Variants in NCBP1 observed in about 807,000 individuals in gnomAD.
NCBP1 encodes the protein nuclear cap binding protein subunit 1, also known as nuclear cap-binding protein subunit 1.
A neutral mutation model predicts 111.7 loss-of-function variants in NCBP1; 16 were observed. The observed-to-expected ratio is 0.14, with a 90% confidence interval of 0.10 to 0.22. NCBP1 has a LOEUF of 0.22. Ranked by LOEUF, NCBP1 falls within the 10% of genes least tolerant of loss-of-function variation. NCBP1 has a pLI of 1.00. For missense variants in NCBP1, 607 were observed against 957.5 expected, an observed-to-expected ratio of 0.63 and a Z score of 4.83; for synonymous variants, 304 against 314.3, an observed-to-expected ratio of 0.97 and a Z score of 0.35.
intron 6 of NCBP1, among the ~76,000 whole-genome samples, chr9:97,646,663 C>G (rs1827342636): frequency 6.6e-6 from 1 of 151,804 alleles, no homozygotes; most frequent in Non-Finnish European, 1.5e-5. Flanking sequence ...TGGTGAAAAC[C>G]CATCTCTACT....
intron 12 of NCBP1, 21 bp from the exon 13 acceptor site, chr9:97,655,681 A>T: frequency 6.3e-7 from 1 of 1,583,464 alleles, no homozygotes; most frequent in African/African-American, 1.4e-5. Flanking sequence ...TTCTCTGCCT[A>T]CCTCCCCCTT....
chr9:97,650,391 C>T, intron 8 of NCBP1, 112 bp from the exon 9 acceptor site: 1 of 683,408 alleles, frequency 1.5e-6, no homozygotes, highest in Non-Finnish European at 2.4e-6. Flanking sequence ...AACTTTTATC[C>T]CCATCACCCA....
rs774893629 is a variant in NCBP1, at chr9:97,647,510, T to G, written c.630T>G (p.His210Gln). 4.3e-6 allele frequency: 7 copies of G among 1,613,068 alleles called. No homozygotes were observed. The highest frequency in any genetic ancestry group is 4.2e-6 in the Non-Finnish European group (5 of 1,179,306). Reference protein sequence around the residue: ...ESYLKRRQKTHVPMLQVWTAD... With the variant: ...ESYLKRRQKTQVPMLQVWTAD... ...TCTTTAGAAGACGCCAAAAGACTCA[T>G]GTACCCATGTTACAGGTATGGACTG... The change falls in exon 7 of 23, where the codon CAT (histidine) becomes CAG (glutamine). Residue 210 changes from histidine to glutamine, a missense_variant. His to Gln is a conservative substitution (Grantham distance 24). This residue lies in a region of NCBP1 where 185 missense variants were observed against 272.0 expected (regional missense o/e 0.68). Transcript: ENST00000375147.
chr9:97,650,746 C>T, intron 9 of NCBP1, 146 bp downstream of exon 9: 4 of 636,148 alleles, frequency 6.3e-6, no homozygotes, highest in South Asian at 2.0e-5. Flanking sequence ...AAAACACTTG[C>T]TTTACTTTCT....
At chr9:97,661,455 C>G (rs987626464) in intron 16 of NCBP1, among the ~76,000 whole-genome samples, 1 of 152,114 alleles carries the variant, frequency 6.6e-6, no homozygotes, top group African/African-American at 2.4e-5. Flanking sequence ...CCATGTAATT[C>G]CAACCAGAAT....
At chr9:97,646,796 C>T (rs528649748) in intron 6 of NCBP1, among the ~76,000 whole-genome samples, 38 of 146,336 alleles carry the variant, frequency 2.6e-4, no homozygotes, top group Non-Finnish European at 4.6e-4. Flanking sequence ...GACATGGTGC[C>T]GCCACTGCAC....
chr9:97,658,800 AAGTT>A (rs1209735205), intron 15 of NCBP1, 57 bp downstream of exon 15: 3 of 1,318,322 alleles, frequency 2.3e-6, no homozygotes, highest in African/African-American at 1.5e-5. Context: ...AGTATATCTG[AAGTT>A]AGTTGTTTAA....
At chr9:97,634,313 A>G (rs1826929422) in intron 1 of NCBP1, among the ~76,000 whole-genome samples, 1 of 152,272 alleles carries the variant, frequency 6.6e-6, no homozygotes, top group African/African-American at 2.4e-5. Flanking sequence ...AGGGCTCGGA[A>G]GAATTCACTG....
intron 16 of NCBP1, 31 bp from the exon 17 acceptor site, chr9:97,662,011 T>G (rs373844784): frequency 1.3e-6 from 2 of 1,531,856 alleles, no homozygotes; most frequent in East Asian, 4.5e-5. Flanking sequence ...TGTGCTTACA[T>G]TTTTCTGTTT....
chr9:97,639,160 C>T (rs1240884843), intron 1 of NCBP1, among the ~76,000 whole-genome samples: 1 of 152,134 alleles, frequency 6.6e-6, no homozygotes, highest in Admixed American at 6.5e-5. Flanking sequence ...ATGCTGCATG[C>T]GTATTATACT....
intron 5 of NCBP1, among the ~76,000 whole-genome samples, 180 bp downstream of exon 5, chr9:97,645,404 G>T (rs146428612): frequency 6.6e-6 from 1 of 152,074 alleles, no homozygotes; most frequent in Non-Finnish European, 1.5e-5. Flanking sequence ...TGGCACACTG[G>T]TGGGTTCTCA....
chr9:97,641,292 A>G (rs1440933919), intron 2 of NCBP1, among the ~76,000 whole-genome samples: 2 of 152,046 alleles, frequency 1.3e-5, no homozygotes, highest in African/African-American at 4.8e-5. Context: ...TCACTCGTCC[A>G]CTTTTCATGG....
In NCBP1 at chr9:97,633,871, C is replaced by T. The variant is rs761674061; in HGVS notation, c.-11C>T. The T allele has an allele frequency of 3.8e-6, 6 of 1,585,444 alleles. No individual in the cohort carries two copies. In the South Asian group the frequency reaches 4.5e-5, roughly 12 times the overall value. The stretch of plus-strand genomic sequence containing the variant: ...CTGGCCTCTCGGTTCCGCGGCGCAC[C>T]GGAGGGCAGCATGTCGCGGCGGCGG... On this transcript the variant is annotated 5_prime_UTR_variant, in exon 1 of 23. Coordinates refer to ENST00000375147, the MANE Select transcript of NCBP1 (RefSeq NM_002486.5).
chr9:97,670,199 T>G (rs955065373), intron 22 of NCBP1: 10 of 204,372 alleles, frequency 4.9e-5, no homozygotes, highest in African/African-American at 1.8e-4. Flanking sequence ...ATTATAGGCG[T>G]GAGCCACGGT....
chr9:97,660,141 T>C (rs1328347545), intron 15 of NCBP1, among the ~76,000 whole-genome samples: 2 of 152,246 alleles, frequency 1.3e-5, no homozygotes, highest in African/African-American at 2.4e-5. Flanking sequence ...GATTCTGTTT[T>C]TCTTCGCCTT....
intron 12 of NCBP1, 24 bp from the exon 13 acceptor site, chr9:97,655,678 C>T: frequency 6.3e-7 from 1 of 1,583,196 alleles, no homozygotes; most frequent in African/African-American, 1.4e-5. Flanking sequence ...TTTTTCTCTG[C>T]CTACCTCCCC....
intron 22 of NCBP1, among the ~76,000 whole-genome samples, chr9:97,670,715 G>C (rs111337217): frequency 0.025 from 3,787 of 152,228 alleles, 167 homozygotes; most frequent in African/African-American, 0.086. Flanking sequence ...CTGTCAGTCC[G>C]TCTGGCTGCT....
rs1388659519 is a variant in NCBP1, at chr9:97,673,141, A to C, written c.*1942A>C. ...AGGCTCTGTCTCAAAAAAGAAAAAA[A>C]ATATATAGCATATAACATACAAAAT... On this transcript the variant is annotated 3_prime_UTR_variant, in exon 23 of 23. Transcript: ENST00000375147. 1 of 152,244 alleles carries C rather than the reference A, an allele frequency of 6.6e-6. No homozygotes were observed. The highest frequency in any genetic ancestry group is 1.9e-4 in the East Asian group (1 of 5,200). 9.4% of individuals were successfully genotyped at this position (152,244 alleles called of 1,614,324 possible). A position where few individuals can be genotyped will look rare whatever the true frequency, so the allele number is the denominator to read the frequency against.
intron 10 of NCBP1, 31 bp from the exon 11 acceptor site, chr9:97,653,767 G>A (rs1827563223): frequency 1.2e-5 from 19 of 1,542,868 alleles, no homozygotes; most frequent in Non-Finnish European, 1.5e-5. Context: ...ATAGCAGTTG[G>A]ATTGAATTGT....
Sources: gnomAD v4.1 joint callset for allele counts (sites outside exome capture counted in the v4.1 genomes callset) on GRCh38, gnomAD v4.1.1 for gene constraint, gnomAD v4.1.1 regional missense constraint, MANE v1.5 for transcripts, NCBI Gene and HGNC (gene_info 2026-07-23, HGNC 2026-07-21) for gene names.